Variants in HPSE2 observed in about 807,000 individuals in gnomAD.
HPSE2 encodes the protein inactive heparanase-2.
A neutral mutation model predicts 60.5 loss-of-function variants in HPSE2; 38 were observed. The ratio of observed to expected loss-of-function variants is 0.63; its 90% CI spans 0.48 to 0.82. The LOEUF (loss-of-function observed/expected upper bound fraction) is 0.82. Among genes scored for constraint, HPSE2 ranks in the 40% least tolerant of loss-of-function variants. The probability of loss-of-function intolerance (pLI) is 0.00; values close to 1 mark genes in which losing one functional copy is unlikely to be tolerated. For missense variants in HPSE2, 713 were observed against 740.4 expected (o/e 0.96, Z 0.43); for synonymous variants, 295 against 293.2 (o/e 1.01, Z -0.06).
intron 3 of HPSE2, among the ~76,000 whole-genome samples, chr10:98,788,538 C>A (rs1310512913): frequency 1.3e-5 from 2 of 151,620 alleles, no homozygotes; most frequent in East Asian, 3.9e-4. Context: ...GCGCCCCTCC[C>A]CCAGCCTCGT....
chr10:99,294,231 C>T, the HPSE2 span, among the ~76,000 whole-genome samples: 7 of 151,104 alleles, frequency 4.6e-5, no homozygotes, highest in African/African-American at 7.3e-5. Flanking sequence ...ACCAGGGTTT[C>T]GATAATCCCC....
At chr10:98,526,433 A>T (rs1471140683) in intron 9 of HPSE2, among the ~76,000 whole-genome samples, 1 of 152,224 alleles carries the variant, frequency 6.6e-6, no homozygotes, top group African/African-American at 2.4e-5. Flanking sequence ...TTTTGGTTAC[A>T]ACACCAACTC....
chr10:98,482,903 GC>G, intron 10 of HPSE2, 121 bp from the exon 11 acceptor site: 2 of 1,027,682 alleles, frequency 1.9e-6, no homozygotes, highest in African/African-American at 1.6e-5. Context: ...TAAAAACTTG[GC>G]CACCATAGAC....
At chr10:99,267,098 A>AC in the HPSE2 span, among the ~76,000 whole-genome samples, 3 of 152,116 alleles carry the variant, frequency 2.0e-5, no homozygotes, top group Non-Finnish European at 2.9e-5. Context: ...AGGTTCTTTA[A>AC]CACCCCCCAA....
chr10:98,987,714 G>A (rs570273516), intron 3 of HPSE2, among the ~76,000 whole-genome samples: 1 of 152,176 alleles, frequency 6.6e-6, no homozygotes. Context: ...GTCCCTGTTT[G>A]CAGATGACAT....
intron 3 of HPSE2, among the ~76,000 whole-genome samples, chr10:98,861,110 C>T (rs1325382306): frequency 6.6e-6 from 1 of 152,134 alleles, no homozygotes; most frequent in East Asian, 1.9e-4. Context: ...AAGATATTAA[C>T]ATGTTTGATA....
intron 3 of HPSE2, among the ~76,000 whole-genome samples, chr10:99,111,145 C>T (rs540724477): frequency 2.0e-4 from 30 of 152,050 alleles, no homozygotes; most frequent in African/African-American, 5.6e-4. Flanking sequence ...TCTATTTCTG[C>T]GCTCTCTATT....
intron 6 of HPSE2, among the ~76,000 whole-genome samples, chr10:98,672,221 A>C (rs1947524362): frequency 2.0e-5 from 3 of 151,894 alleles, no homozygotes; most frequent in African/African-American, 7.3e-5. Flanking sequence ...GGAAGAGAAA[A>C]AGGGGAAAAA....
intron 5 of HPSE2, among the ~76,000 whole-genome samples, chr10:98,706,741 A>G: frequency 6.6e-6 from 1 of 152,184 alleles, no homozygotes; most frequent in South Asian, 2.1e-4. Context: ...ACAGAAGTCC[A>G]GTATGGCTAG....
chr10:99,140,181 G>A (rs530685348), intron 3 of HPSE2, among the ~76,000 whole-genome samples: 2 of 152,240 alleles, frequency 1.3e-5, no homozygotes, highest in East Asian at 3.9e-4. Context: ...AATAGAATGG[G>A]CCACAACTGG....
chr10:99,305,579 G>C, the HPSE2 span, among the ~76,000 whole-genome samples: 1 of 152,154 alleles, frequency 6.6e-6, no homozygotes. Flanking sequence ...ATCACCTCTG[G>C]TGGAAGAAAC....
At chr10:98,888,683 G>A (rs1165953597) in intron 3 of HPSE2, among the ~76,000 whole-genome samples, 2 of 152,120 alleles carry the variant, frequency 1.3e-5, no homozygotes, top group Non-Finnish European at 2.9e-5. Context: ...CTGGCATAAA[G>A]ACACTGAAAA....
chr10:98,851,567 C>T (rs1298376655), intron 3 of HPSE2, among the ~76,000 whole-genome samples: 1 of 152,208 alleles, frequency 6.6e-6, no homozygotes, highest in Non-Finnish European at 1.5e-5. Context: ...TCTATAGTCC[C>T]TCCCTGGCTT....
intron 2 of HPSE2, among the ~76,000 whole-genome samples, chr10:99,165,081 CAA>C (rs56263581): frequency 7.6e-4 from 50 of 65,776 alleles, no homozygotes; most frequent in African/African-American, 2.9e-3. Context: ...GACTCGGTCT[CAA>C]AAAAAAAAAA....
chr10:98,504,682 C>T (rs1410848911), intron 9 of HPSE2, among the ~76,000 whole-genome samples: 1 of 151,604 alleles, frequency 6.6e-6, no homozygotes, highest in Non-Finnish European at 1.5e-5. Context: ...CCCCGCTATT[C>T]AGGAGGCTGA....
intron 3 of HPSE2, among the ~76,000 whole-genome samples, chr10:99,106,546 A>C (rs1844256015): frequency 6.6e-6 from 1 of 151,752 alleles, no homozygotes; most frequent in African/African-American, 2.4e-5. Flanking sequence ...TGATATATAT[A>C]ATCTTTTTTA....
chr10:98,501,874 C>T (rs780549533), intron 9 of HPSE2, among the ~76,000 whole-genome samples: 2 of 151,826 alleles, frequency 1.3e-5, no homozygotes, highest in Non-Finnish European at 2.9e-5. Flanking sequence ...TTAATGTACA[C>T]AAATTGGTAG....
At chr10:98,849,203 A>G (rs1315805052) in intron 3 of HPSE2, among the ~76,000 whole-genome samples, 2 of 152,198 alleles carry the variant, frequency 1.3e-5, no homozygotes, top group East Asian at 3.9e-4. Context: ...TAGTAACATG[A>G]AAGTTAATGA....
intron 3 of HPSE2, among the ~76,000 whole-genome samples, chr10:99,048,753 C>G (rs765297114): frequency 6.6e-6 from 1 of 152,074 alleles, no homozygotes; most frequent in Non-Finnish European, 1.5e-5. Context: ...GAAAATAGAT[C>G]ATTATACAAA....
Sources: gnomAD v4.1 joint callset for allele counts (sites outside exome capture counted in the v4.1 genomes callset) on GRCh38, gnomAD v4.1.1 for gene constraint, MANE v1.5 for transcripts, NCBI Gene and HGNC (gene_info 2026-07-23, HGNC 2026-07-21) for gene names.